Variants in MS4A4A observed in about 807,000 individuals in gnomAD.
MS4A4A encodes the protein membrane-spanning 4-domains subfamily A member 4A.
A neutral mutation model predicts 28.0 loss-of-function variants in MS4A4A; 26 were observed. That is an observed-to-expected ratio of 0.93 (90% CI 0.68 to 1.29). The LOEUF (loss-of-function observed/expected upper bound fraction) is 1.29, where lower values mean the gene tolerates loss of function less well. Ranked by LOEUF, MS4A4A falls within the 50% of genes most tolerant of loss-of-function variation. MS4A4A has a pLI of 0.00. For synonymous variants in MS4A4A, 86 were observed against 100.8 expected, an observed-to-expected ratio of 0.85 and a Z score of 0.88; for missense variants, 290 against 293.1, an observed-to-expected ratio of 0.99 and a Z score of 0.08.
intron 5 of MS4A4A, 129 bp downstream of exon 5, chr11:60,302,846 T>G: frequency 1.1e-6 from 1 of 870,552 alleles, no homozygotes; most frequent in Non-Finnish European, 1.8e-6. Flanking sequence ...GATTGAGAAA[T>G]AGAATAATCT....
chr11:60,298,130 A>G (rs1235555562), intron 3 of MS4A4A, among the ~76,000 whole-genome samples: 1 of 151,938 alleles, frequency 6.6e-6, no homozygotes, highest in Non-Finnish European at 1.5e-5. Context: ...AAGAGAAAAC[A>G]CAAGATAGTT....
intron 1 of MS4A4A, chr11:60,282,536 T>C (rs2084763769): frequency 1.6e-6 from 2 of 1,250,126 alleles, no homozygotes; most frequent in African/African-American, 1.6e-5. Context: ...GACTATAAAA[T>C]GCTGTTCATG....
At chr11:60,295,223 C>T (rs2084895452) in intron 2 of MS4A4A, among the ~76,000 whole-genome samples, 1 of 151,700 alleles carries the variant, frequency 6.6e-6, no homozygotes, top group Non-Finnish European at 1.5e-5. Flanking sequence ...AATACCAATA[C>T]CTAAATATTT....
At chr11:60,305,958 G>C in intron 5 of MS4A4A, 142 bp from the exon 6 acceptor site, 1 of 628,612 alleles carries the variant, frequency 1.6e-6, no homozygotes. Flanking sequence ...TCAAGAATTG[G>C]TCAAGGGTAT....
At position 60,282,455 on chromosome 11, in the gene MS4A4A, G is replaced by A. The variant is rs763566194; in HGVS notation, c.41+1739G>A. On this transcript the variant is annotated intron_variant, in intron 1 of 6. Coordinates refer to ENST00000337908, the MANE Select transcript of MS4A4A (RefSeq NM_148975.3). ...CACATTTCTTAAACCCTTATTTACC[G>A]TCATAGGCTGACTAATCCACATGTG... The A allele has an allele frequency of 3.3e-4, 220 of 664,758 alleles. 1 individual carries two copies. Among genetic ancestry groups the A allele is most frequent in the East Asian group, 2.1e-3 (28 of 13,426 alleles). 41.2% of individuals were successfully genotyped at this position (664,758 alleles called of 1,614,324 possible).
chr11:60,294,302 G>A (rs1177818174), intron 2 of MS4A4A, among the ~76,000 whole-genome samples: 1 of 152,112 alleles, frequency 6.6e-6, no homozygotes, highest in Non-Finnish European at 1.5e-5. Flanking sequence ...TTTTAATGAG[G>A]ACGTTTATGT....
chr11:60,299,621 C>T (rs191343056), intron 3 of MS4A4A, among the ~76,000 whole-genome samples: 79 of 151,906 alleles, frequency 5.2e-4, no homozygotes, highest in African/African-American at 1.6e-3. Context: ...TACAGGCACC[C>T]GCCACCACAC....
intron 2 of MS4A4A, among the ~76,000 whole-genome samples, chr11:60,294,928 T>TCTTCTTCTTCTTCTG (rs2084892433): frequency 1.3e-5 from 2 of 150,680 alleles, no homozygotes; most frequent in African/African-American, 4.9e-5. Context: ...TTCTTCTTCT[T>TCTTCTTCTTCTTCTG]CTTCTTCTTC....
At chr11:60,300,353 A>C (rs1413479529) in intron 3 of MS4A4A, among the ~76,000 whole-genome samples, 3 of 152,146 alleles carry the variant, frequency 2.0e-5, no homozygotes, top group Non-Finnish European at 2.9e-5. Flanking sequence ...GCAGTGGCTC[A>C]CGCCTGTAAT....
chr11:60,297,001 G>A, intron 2 of MS4A4A, 196 bp from the exon 3 acceptor site: 1 of 616,518 alleles, frequency 1.6e-6, no homozygotes, highest in Non-Finnish European at 2.7e-6. Flanking sequence ...GGCAATGATA[G>A]ACGTCGCGAG....
At chr11:60,296,653 T>A (rs2084908158) in intron 2 of MS4A4A, among the ~76,000 whole-genome samples, 1 of 152,150 alleles carries the variant, frequency 6.6e-6, no homozygotes, top group Non-Finnish European at 1.5e-5. Context: ...CCATAAATTT[T>A]GATAAGTTGT....
chr11:60,288,133 T>C (rs1320179599), intron 1 of MS4A4A, among the ~76,000 whole-genome samples: 3 of 152,200 alleles, frequency 2.0e-5, no homozygotes, highest in Non-Finnish European at 2.9e-5. Context: ...TCTGACCCCA[T>C]ATTTCCACTC....
intron 5 of MS4A4A, among the ~76,000 whole-genome samples, chr11:60,303,515 C>T (rs1216297686): frequency 6.6e-6 from 1 of 152,154 alleles, no homozygotes; most frequent in African/African-American, 2.4e-5. Context: ...CAAGACCAGC[C>T]TGGCCAACAT....
At chr11:60,293,363 T>C (rs2084874527) in intron 2 of MS4A4A, among the ~76,000 whole-genome samples, 2 of 152,214 alleles carry the variant, frequency 1.3e-5, no homozygotes, top group Admixed American at 1.3e-4. Context: ...TAAAATATAC[T>C]GTATGTTTTA....
At position 60,301,003 on chromosome 11, in the gene MS4A4A, T is replaced by A. The variant is rs1450270593; in HGVS notation, c.333T>A (p.Phe111Leu). The A allele has an allele frequency of 1.9e-6, 3 of 1,603,242 alleles. No individual in the cohort carries two copies. The East Asian group carries it at 6.7e-5, about 36-fold the overall frequency. The change falls in exon 4 of 7, where the codon TTT (phenylalanine) becomes TTA (leucine). Residue 111 changes from phenylalanine to leucine, a missense_variant and splice_region_variant. By Grantham distance (22) the Phe-to-Leu change is conservative. Coordinates refer to ENST00000337908, the MANE Select transcript of MS4A4A (RefSeq NM_148975.3). ...TTCATTTTTTCTCTCATTTTTAGTT[T>A]ATTATTTCAGGATCCTTGTCAATTG... ...IGYTIWGSVMFIISGSLSIAA... is the reference protein window; with the variant it reads ...IGYTIWGSVMLIISGSLSIAA...
At chr11:60,283,584 A>T (rs2084775633) in intron 1 of MS4A4A, among the ~76,000 whole-genome samples, 1 of 152,194 alleles carries the variant, frequency 6.6e-6, no homozygotes, top group African/African-American at 2.4e-5. Context: ...GGAAGACTGG[A>T]TGTCTTCTAT....
intron 1 of MS4A4A, among the ~76,000 whole-genome samples, chr11:60,285,655 C>T (rs937839653): frequency 2.6e-5 from 4 of 152,112 alleles, no homozygotes; most frequent in African/African-American, 7.2e-5. Flanking sequence ...CGTGATGCCC[C>T]CGAGCTGCAA....
intron 4 of MS4A4A, among the ~76,000 whole-genome samples, chr11:60,301,294 T>C (rs2084951200): frequency 6.6e-6 from 1 of 152,132 alleles, no homozygotes; most frequent in Non-Finnish European, 1.5e-5. Flanking sequence ...TTTTTGAAGA[T>C]ATAGAGAATT....
At chr11:60,306,403 T>C (rs2085002200) in intron 6 of MS4A4A, among the ~76,000 whole-genome samples, 1 of 152,220 alleles carries the variant, frequency 6.6e-6, no homozygotes, top group South Asian at 2.1e-4. Flanking sequence ...GGCTGTGGCC[T>C]TGCTTGGAGC....
Sources: gnomAD v4.1 joint callset for allele counts (sites outside exome capture counted in the v4.1 genomes callset) on GRCh38, gnomAD v4.1.1 for gene constraint, MANE v1.5 for transcripts, NCBI Gene and HGNC (gene_info 2026-07-23, HGNC 2026-07-21) for gene names.